Variants in IL1RAPL1 observed in about 807,000 individuals in gnomAD.
The protein encoded by IL1RAPL1 is interleukin-1 receptor accessory protein-like 1.
A neutral mutation model predicts 48.4 loss-of-function variants in IL1RAPL1; 3 were observed. That is an observed-to-expected ratio of 0.06 (90% CI 0.03 to 0.16). The LOEUF is 0.16. IL1RAPL1 is among the 10% of genes least tolerant of loss of function. The pLI is 1.00. For synonymous variants in IL1RAPL1, 185 were observed against 187.7 expected (o/e 0.99, Z 0.12); for missense variants, 349 against 530.6 (o/e 0.66, Z 3.36).
intron 6 of IL1RAPL1, among the ~76,000 whole-genome samples, chrX:29,786,992 A>G (rs1929514413): frequency 9.0e-6 from 1 of 111,712 alleles, no homozygotes; most frequent in South Asian, 3.7e-4. Context: ...AACAGCAGTG[A>G]TAGTGATGTA....
intron 6 of IL1RAPL1, among the ~76,000 whole-genome samples, chrX:29,802,363 G>C (rs1382431732): frequency 9.0e-6 from 1 of 110,745 alleles, no homozygotes; most frequent in Non-Finnish European, 1.9e-5. Context: ...ATATACCAGT[G>C]CTTCTCAAAT....
chrX:29,806,589 T>C (rs1310232084), intron 6 of IL1RAPL1, among the ~76,000 whole-genome samples: 1 of 110,187 alleles, frequency 9.1e-6, no homozygotes, highest in East Asian at 2.8e-4. Context: ...TAAAACAATA[T>C]AGTACTAACT....
chrX:28,858,067 A>G (rs1921847922), intron 2 of IL1RAPL1, among the ~76,000 whole-genome samples: 1 of 112,332 alleles, frequency 8.9e-6, no homozygotes, highest in African/African-American at 3.2e-5. Context: ...TCAGTGGATT[A>G]AGTAACTGTA....
chrX:28,924,100 C>T lies in IL1RAPL1; in HGVS notation c.82+134675C>T, dbSNP rs964561963. ...CTGATGAAATTTATCTTGATAGGGA[C>T]ATCTGAAAGTGTTGATGAATGCCAA... On this transcript the variant is annotated intron_variant, in intron 2 of 10. Coordinates refer to ENST00000378993, the MANE Select transcript of IL1RAPL1 (RefSeq NM_014271.4). 4 of 111,250 alleles carry T rather than the reference C, an allele frequency of 3.6e-5. No homozygotes were observed. In the East Asian group the frequency reaches 1.1e-3, roughly 31 times the overall value. The allele number at this position is 111,250 out of a possible 1,213,427, so 9.2% of individuals were successfully genotyped here. A position where few individuals can be genotyped will look rare whatever the true frequency, so the allele number is the denominator to read the frequency against.
intron 6 of IL1RAPL1, among the ~76,000 whole-genome samples, chrX:29,760,807 G>A (rs1426584995): frequency 9.0e-6 from 1 of 111,646 alleles, no homozygotes; most frequent in Non-Finnish European, 1.9e-5. Flanking sequence ...ATATACCAAG[G>A]TGTTATGATG....
At chrX:29,260,381 G>T (rs1931831481) in intron 2 of IL1RAPL1, among the ~76,000 whole-genome samples, 1 of 112,015 alleles carries the variant, frequency 8.9e-6, no homozygotes, top group Admixed American at 9.5e-5. Context: ...GGCTAGGGAG[G>T]CCTCACAATC....
chrX:29,192,437 A>G (rs1357215775), intron 2 of IL1RAPL1, among the ~76,000 whole-genome samples: 4 of 111,776 alleles, frequency 3.6e-5, no homozygotes, highest in Non-Finnish European at 7.5e-5. Flanking sequence ...TGATTATTTA[A>G]CAGGGAAGCA....
intron 5 of IL1RAPL1, among the ~76,000 whole-genome samples, chrX:29,477,796 A>G (rs764447642): frequency 8.9e-6 from 1 of 112,059 alleles, no homozygotes; most frequent in African/African-American, 3.2e-5. Context: ...TTCCTATGCC[A>G]TGTTGCTCAG....
chrX:28,681,500 G>A (rs1191784845), intron 1 of IL1RAPL1, among the ~76,000 whole-genome samples: 1 of 111,093 alleles, frequency 9.0e-6, no homozygotes, highest in African/African-American at 3.3e-5. Flanking sequence ...TGTCAGGGTT[G>A]GGGGGAAAGA....
At chrX:29,581,929 G>A (rs1014476865) in intron 5 of IL1RAPL1, among the ~76,000 whole-genome samples, 7 of 111,484 alleles carry the variant, frequency 6.3e-5, no homozygotes, top group Non-Finnish European at 1.3e-4. Flanking sequence ...ATATTTTTAA[G>A]AGTTTCAAGC....
At chrX:28,901,990 A>C (rs1923087628) in intron 2 of IL1RAPL1, among the ~76,000 whole-genome samples, 1 of 111,283 alleles carries the variant, frequency 9.0e-6, no homozygotes, top group Non-Finnish European at 1.9e-5. Flanking sequence ...GCATCTAATG[A>C]TCTTAAATAA....
intron 6 of IL1RAPL1, among the ~76,000 whole-genome samples, chrX:29,739,920 C>A (rs1231512807): frequency 9.2e-6 from 1 of 108,296 alleles, no homozygotes; most frequent in African/African-American, 3.4e-5. Flanking sequence ...ATTAGCTGGG[C>A]ATGGTGGTAG....
chrX:28,684,953 C>T (rs991974640), intron 1 of IL1RAPL1, among the ~76,000 whole-genome samples: 2 of 111,603 alleles, frequency 1.8e-5, no homozygotes, highest in African/African-American at 6.5e-5. Context: ...AGGCTCTTTC[C>T]TTGTGTCTAA....
intron 1 of IL1RAPL1, among the ~76,000 whole-genome samples, chrX:28,764,517 A>G (rs970444136): frequency 9.0e-5 from 10 of 111,595 alleles, no homozygotes; most frequent in African/African-American, 2.6e-4. Context: ...AGCCTGGCCA[A>G]TATGGTGAAA....
intron 1 of IL1RAPL1, among the ~76,000 whole-genome samples, chrX:28,783,552 T>G (rs1316155722): frequency 9.0e-6 from 1 of 111,359 alleles, no homozygotes; most frequent in Non-Finnish European, 1.9e-5. Flanking sequence ...AGGGCCAATT[T>G]AGAAAAAAAT....
intron 5 of IL1RAPL1, among the ~76,000 whole-genome samples, chrX:29,435,833 T>A (rs532940904): frequency 9.0e-6 from 1 of 110,526 alleles, no homozygotes; most frequent in Non-Finnish European, 1.9e-5. Flanking sequence ...TTTGCAAAAA[T>A]AGTTTTTTAA....
At chrX:29,100,026 A>C (rs1399101687) in intron 2 of IL1RAPL1, among the ~76,000 whole-genome samples, 1 of 110,137 alleles carries the variant, frequency 9.1e-6, no homozygotes, top group African/African-American at 3.3e-5. Flanking sequence ...ATCCTGGCCA[A>C]CATGGTGAAA....
At chrX:28,983,951 T>C (rs1925404381) in intron 2 of IL1RAPL1, among the ~76,000 whole-genome samples, 2 of 112,017 alleles carry the variant, frequency 1.8e-5, no homozygotes. Flanking sequence ...ATTGTCAATA[T>C]TTTAAATTCA....
intron 5 of IL1RAPL1, among the ~76,000 whole-genome samples, chrX:29,627,087 A>G (rs1924637973): frequency 8.9e-6 from 1 of 112,297 alleles, no homozygotes. Context: ...TGAGCCAGGC[A>G]ACAGTGATAA....
Sources: allele counts gnomAD v4.1 joint callset (sites outside exome capture counted in the v4.1 genomes callset), GRCh38; gene constraint gnomAD v4.1.1; transcripts MANE v1.5; gene names NCBI Gene and HGNC (gene_info 2026-07-23, HGNC 2026-07-21).